MSI2: variants seen among roughly 807,000 people sequenced by gnomAD.
MSI2 encodes RNA-binding protein Musashi homolog 2.
MSI2 carries 17 observed loss-of-function variants against 45.6 expected under a neutral mutation model. The ratio of observed to expected loss-of-function variants is 0.37; its 90% confidence interval spans 0.26 to 0.56. The LOEUF (loss-of-function observed/expected upper bound fraction) is 0.56, where lower values mean the gene tolerates loss of function less well. MSI2 is among the 20% of genes least tolerant of loss of function. MSI2 has a pLI of 0.77. For missense variants in MSI2, 293 were observed against 444.2 expected (o/e 0.66, Z 3.06); for synonymous variants, 156 against 158.2 (o/e 0.99, Z 0.11).
chr17:57,312,300 G>A (rs949017684), intron 5 of MSI2, among the ~76,000 whole-genome samples: 3 of 152,238 alleles, frequency 2.0e-5, no homozygotes, highest in Non-Finnish European at 4.4e-5. Context: ...GTGTTGGGTT[G>A]TGTAGCAATT....
intron 6 of MSI2, among the ~76,000 whole-genome samples, chr17:57,526,364 T>TGTGG (rs1307960870): frequency 5.0e-5 from 4 of 80,020 alleles, no homozygotes; most frequent in African/African-American, 7.1e-5. Context: ...TGGGTGTGTG[T>TGTGG]GTGTGTGTGT....
intron 7 of MSI2, among the ~76,000 whole-genome samples, chr17:57,575,960 A>AAAAAAG (rs2088033435): frequency 6.8e-6 from 1 of 146,420 alleles, no homozygotes. Context: ...AAAAAAAAAA[A>AAAAAAG]AAAAAAAAAA....
intron 6 of MSI2, among the ~76,000 whole-genome samples, chr17:57,510,340 G>C (rs1351523317): frequency 3.3e-5 from 5 of 151,594 alleles, no homozygotes; most frequent in Non-Finnish European, 7.4e-5. Flanking sequence ...TTTATAACAA[G>C]ATGCTCATAA....
chr17:57,308,573 T>C (rs1440103303), intron 5 of MSI2, among the ~76,000 whole-genome samples: 2 of 152,216 alleles, frequency 1.3e-5, no homozygotes, highest in Non-Finnish European at 2.9e-5. Flanking sequence ...ACCCTGCTTT[T>C]CCCCTGACCT....
At chr17:57,461,308 TAGTCA>T (rs1296381094) in intron 6 of MSI2, among the ~76,000 whole-genome samples, 1 of 152,138 alleles carries the variant, frequency 6.6e-6, no homozygotes, top group Admixed American at 6.5e-5. Flanking sequence ...CAGTGGTAAT[TAGTCA>T]ACCCAAGTCT....
intron 6 of MSI2, among the ~76,000 whole-genome samples, chr17:57,507,648 C>T (rs903894404): frequency 2.0e-5 from 3 of 151,844 alleles, no homozygotes; most frequent in African/African-American, 7.3e-5. Context: ...AGGGAATTCC[C>T]CACCCCCCTG....
At chr17:57,695,029 C>T in the MSI2 span, among the ~76,000 whole-genome samples, 1 of 152,204 alleles carries the variant, frequency 6.6e-6, no homozygotes, top group East Asian at 1.9e-4. Flanking sequence ...CCTTTGGTTT[C>T]ATTGAGGAAA....
intron 6 of MSI2, among the ~76,000 whole-genome samples, chr17:57,433,820 C>T (rs893263129): frequency 6.6e-6 from 1 of 152,204 alleles, no homozygotes; most frequent in African/African-American, 2.4e-5. Context: ...TGTACTGTTG[C>T]GTGTTCCTCT....
intron 11 of MSI2, among the ~76,000 whole-genome samples, chr17:57,665,475 A>G (rs1912300195): frequency 6.6e-6 from 1 of 152,212 alleles, no homozygotes; most frequent in South Asian, 2.1e-4. Flanking sequence ...ACACAGAACT[A>G]TTAGTGCTTA....
intron 6 of MSI2, among the ~76,000 whole-genome samples, chr17:57,422,212 A>G (rs183097129): frequency 2.5e-4 from 38 of 152,322 alleles, no homozygotes; most frequent in Middle Eastern, 6.8e-3. Context: ...CTGTAATCCT[A>G]GCACTTTGGG....
chr17:57,350,910 C>T (rs1915984169), intron 5 of MSI2, among the ~76,000 whole-genome samples: 1 of 151,998 alleles, frequency 6.6e-6, no homozygotes, highest in Non-Finnish European at 1.5e-5. Context: ...GAGGTGTAGA[C>T]AGGGTTAAAG....
intron 6 of MSI2, among the ~76,000 whole-genome samples, chr17:57,507,059 T>C (rs1372087464): frequency 6.6e-6 from 1 of 152,102 alleles, no homozygotes; most frequent in Non-Finnish European, 1.5e-5. Context: ...ATCCATAATG[T>C]ATTTGGTATG....
At chr17:57,500,037 C>T (rs1327708853) in intron 6 of MSI2, among the ~76,000 whole-genome samples, 2 of 151,986 alleles carry the variant, frequency 1.3e-5, no homozygotes, top group African/African-American at 2.4e-5. Flanking sequence ...GAGCTCACCT[C>T]GGGATTGGAG....
chr17:57,600,622 G>T (rs1905764974), intron 8 of MSI2, among the ~76,000 whole-genome samples: 1 of 152,114 alleles, frequency 6.6e-6, no homozygotes, highest in Admixed American at 6.5e-5. Flanking sequence ...CCAGGAGAAG[G>T]CGTGAGTCAT....
At chr17:57,437,623 C>T (rs912643256) in intron 6 of MSI2, among the ~76,000 whole-genome samples, 3 of 152,090 alleles carry the variant, frequency 2.0e-5, no homozygotes, top group Non-Finnish European at 4.4e-5. Context: ...TCTTTTCTTC[C>T]GTATGGGACA....
intron 7 of MSI2, among the ~76,000 whole-genome samples, chr17:57,583,614 C>T (rs973139675): frequency 4.6e-5 from 7 of 151,632 alleles, no homozygotes; most frequent in East Asian, 1.9e-4. Context: ...ACCACAGGCA[C>T]GTGCCACGAC....
chr17:57,650,969 G>A lies in MSI2; in HGVS notation c.728-1130G>A, dbSNP rs373210339. Among the ~76,000 whole-genome samples the A allele has an allele frequency of 6.6e-5, 10 of 152,234 alleles. No individual in the cohort carries two copies. In the South Asian group the frequency reaches 1.7e-3, roughly 25 times the overall value. ...GTTGGGGGCTGTTTATTGAGTTTGC[G>A]GCTGGCTTCTGGCACATCATTTAAA... On this transcript the variant is annotated intron_variant, in intron 10 of 13. Coordinates refer to ENST00000284073, the MANE Select transcript of MSI2 (RefSeq NM_138962.4).
chr17:57,369,644 G>C (rs1454627782), intron 5 of MSI2, among the ~76,000 whole-genome samples: 1 of 152,224 alleles, frequency 6.6e-6, no homozygotes, highest in Non-Finnish European at 1.5e-5. Context: ...TACTAAGGAA[G>C]GGAAAAGAGG....
intron 5 of MSI2, among the ~76,000 whole-genome samples, chr17:57,275,398 CT>C (rs1330928995): frequency 6.6e-6 from 1 of 152,188 alleles, no homozygotes; most frequent in Non-Finnish European, 1.5e-5. Context: ...GCAAGGGTTA[CT>C]TTTTCATAGA....
Sources: allele counts gnomAD v4.1 joint callset (sites outside exome capture counted in the v4.1 genomes callset), GRCh38; gene constraint gnomAD v4.1.1; transcripts MANE v1.5; gene names NCBI Gene and HGNC (gene_info 2026-07-23, HGNC 2026-07-21).